FAM193A: variants seen among roughly 807,000 people sequenced by gnomAD.
The protein encoded by FAM193A is family with sequence similarity 193 member A, also known as protein FAM193A.
Under a neutral mutation model 126.5 loss-of-function variants are expected in FAM193A, and 22 were observed. The ratio of observed to expected loss-of-function variants is 0.17; its 90% CI spans 0.12 to 0.25. The LOEUF (loss-of-function observed/expected upper bound fraction) is 0.25. Ranked by LOEUF, FAM193A falls within the 10% of genes least tolerant of loss-of-function variation. The pLI is 1.00. For missense variants in FAM193A, 1,675 were observed against 1,672.8 expected, an observed-to-expected ratio of 1.00 and a Z score of -0.02; for synonymous variants, 761 against 646.8, an observed-to-expected ratio of 1.18 and a Z score of -2.68.
At chr4:2,538,510 A>G (rs1272405110) in intron 1 of FAM193A, among the ~76,000 whole-genome samples, 1 of 151,782 alleles carries the variant, frequency 6.6e-6, no homozygotes, top group Non-Finnish European at 1.5e-5. Flanking sequence ...TTATTATTAT[A>G]TTGTTACATT....
intron 1 of FAM193A, among the ~76,000 whole-genome samples, chr4:2,547,648 T>G (rs932455918): frequency 6.8e-6 from 1 of 146,826 alleles, no homozygotes; most frequent in Non-Finnish European, 1.5e-5. Flanking sequence ...TTTTTGGAAG[T>G]GGAGTCTCAC....
Position 2,549,638 on chromosome 4 carries a change from C to T in FAM193A, c.255+12468C>T, listed in dbSNP as rs1312563512. Among the ~76,000 whole-genome samples the T allele has an allele frequency of 2.0e-5, 3 of 148,930 alleles. No homozygotes were observed. In the East Asian group the frequency reaches 6.1e-4, roughly 31 times the overall value. On this transcript the variant is annotated intron_variant, in intron 1 of 20. Coordinates refer to ENST00000637812, the MANE Select transcript of FAM193A (RefSeq NM_001366318.2). Reference sequence around the variant, plus strand: ...GTCTCGATCTCCTGACCTCGTGATCCGCCCGCCTCAGCCTCCCAAAGTGCT... The same window carrying T: ...GTCTCGATCTCCTGACCTCGTGATCTGCCCGCCTCAGCCTCCCAAAGTGCT...
intron 1 of FAM193A, among the ~76,000 whole-genome samples, chr4:2,549,236 G>C (rs988613274): frequency 6.6e-5 from 10 of 151,172 alleles, no homozygotes; most frequent in Non-Finnish European, 7.4e-5. Flanking sequence ...CTGCACCCAG[G>C]CTGTAAACCG....
chr4:2,674,320 ATAATGCG>A (rs1454451490), intron 13 of FAM193A, among the ~76,000 whole-genome samples: 1 of 152,260 alleles, frequency 6.6e-6, no homozygotes, highest in Admixed American at 6.5e-5. Flanking sequence ...GCCTAAATGC[ATAATGCG>A]TTAGCAGCCC....
At chr4:2,538,686 C>CG (rs1183181389) in intron 1 of FAM193A, among the ~76,000 whole-genome samples, 1,007 of 41,956 alleles carry the variant, frequency 0.024, 4 homozygotes, top group African/African-American at 0.031. Flanking sequence ...TAGGGGAGGG[C>CG]GGGGGGGGTT....
chr4:2,543,322 C>T (rs1055419866), intron 1 of FAM193A, among the ~76,000 whole-genome samples: 5 of 152,040 alleles, frequency 3.3e-5, no homozygotes, highest in Admixed American at 2.0e-4. Flanking sequence ...CTCCTGACCT[C>T]GTGATGTACC....
intron 1 of FAM193A, among the ~76,000 whole-genome samples, chr4:2,560,232 C>T (rs1447128087): frequency 2.6e-5 from 4 of 152,120 alleles, no homozygotes; most frequent in East Asian, 3.9e-4. Context: ...TGTGAGCCAC[C>T]GCGCCTGGCC....
chr4:2,732,125 C>A lies in FAM193A; in HGVS notation c.*257C>A. On this transcript the variant is annotated 3_prime_UTR_variant, in exon 21 of 21. Transcript: ENST00000637812. ...AACAGTAGTTCCCGCCAAGTCCTCC[C>A]ACCACCGCGGCCTCGGAGGCCTGGG... is the stretch of plus-strand genomic sequence containing the variant. 2.0e-6 allele frequency: 1 copy of A among 512,168 alleles called. No individual in the cohort carries two copies. The highest frequency in any genetic ancestry group is 3.6e-6 in the Non-Finnish European group (1 of 281,618). The allele number at this position is 512,168 out of a possible 1,614,324, so 31.7% of individuals were successfully genotyped here.
intron 1 of FAM193A, among the ~76,000 whole-genome samples, chr4:2,570,949 A>G (rs537148578): frequency 2.0e-5 from 3 of 151,932 alleles, no homozygotes; most frequent in African/African-American, 2.4e-5. Context: ...TTCCTCCCCT[A>G]CCTCTGCCTG....
chr4:2,573,349 T>C (rs1232916252), intron 1 of FAM193A, among the ~76,000 whole-genome samples: 1 of 151,974 alleles, frequency 6.6e-6, no homozygotes, highest in African/African-American at 2.4e-5. Flanking sequence ...CCGTCTCTAC[T>C]AAAAATGCAA....
At chr4:2,568,031 C>G (rs1023545223) in intron 1 of FAM193A, among the ~76,000 whole-genome samples, 8 of 152,198 alleles carry the variant, frequency 5.3e-5, no homozygotes, top group African/African-American at 1.9e-4. Flanking sequence ...ATTTCCCACC[C>G]CTTCCTCCTG....
intron 2 of FAM193A, among the ~76,000 whole-genome samples, chr4:2,602,331 CT>C (rs1741246981): frequency 6.7e-6 from 1 of 149,556 alleles, no homozygotes; most frequent in South Asian, 2.1e-4. Flanking sequence ...ATGCTTGAAT[CT>C]TCCTCTAGAG....
intron 5 of FAM193A, among the ~76,000 whole-genome samples, chr4:2,635,023 CT>C (rs1471104255): frequency 6.6e-6 from 1 of 152,168 alleles, no homozygotes; most frequent in Non-Finnish European, 1.5e-5. Context: ...AGACAATGTG[CT>C]TTTTGTCTTA....
intron 19 of FAM193A, among the ~76,000 whole-genome samples, chr4:2,710,914 T>G (rs1031285551): frequency 6.7e-6 from 1 of 149,660 alleles, no homozygotes; most frequent in Admixed American, 6.7e-5. Context: ...TGCAGTGGTG[T>G]GATCTTGGCT....
At position 2,676,455 on chromosome 4, in the gene FAM193A, C is replaced by T. The variant is rs375839563; in HGVS notation, c.2331+4083C>T. The stretch of plus-strand genomic sequence containing the variant: ...ATCTTTTCATTGTTCATTGACTATT[C>T]GTATATCTTCTTTGGAGAAACATCT... On this transcript the variant is annotated intron_variant, in intron 13 of 20. Transcript: ENST00000637812. Among the ~76,000 whole-genome samples the T allele has an allele frequency of 3.3e-5, 5 of 152,120 alleles. No homozygotes were observed. The East Asian group carries it at 9.6e-4, about 29-fold the overall frequency.
intron 19 of FAM193A, among the ~76,000 whole-genome samples, chr4:2,708,977 A>G (rs1718622650): frequency 6.6e-6 from 1 of 152,158 alleles, no homozygotes; most frequent in South Asian, 2.1e-4. Context: ...TTTCCACATT[A>G]AGTAAGATGT....
chr4:2,619,612 G>A (rs576249695), intron 2 of FAM193A, among the ~76,000 whole-genome samples: 19 of 151,922 alleles, frequency 1.3e-4, no homozygotes, highest in African/African-American at 3.1e-4. Flanking sequence ...AGGTGGTCCC[G>A]CCCGCCTCTG....
chr4:2,682,576 T>C (rs564943555), intron 13 of FAM193A, among the ~76,000 whole-genome samples: 35 of 152,378 alleles, frequency 2.3e-4, no homozygotes, highest in African/African-American at 7.9e-4. Context: ...TGTAATTGTT[T>C]CCTATTCATT....
rs1418100846 is a variant in FAM193A at position 2,659,686 on chromosome 4, G to T, written c.1502+16G>T. On this transcript the variant is annotated intron_variant, in intron 9 of 20. Transcript: ENST00000637812. ...ACAGGAGAAGGTAAGGCTGGGTTGT[G>T]GTGTCAGCACGACTGGCCCATTGGA... is the stretch of plus-strand genomic sequence containing the variant. 1 of 1,612,612 alleles carries T rather than the reference G, an allele frequency of 6.2e-7. No homozygotes were observed. Among genetic ancestry groups the T allele is most frequent in the African/African-American group, 1.3e-5 (1 of 74,892 alleles).
Sources: gnomAD v4.1 joint callset for allele counts (sites outside exome capture counted in the v4.1 genomes callset) on GRCh38, gnomAD v4.1.1 for gene constraint, MANE v1.5 for transcripts, NCBI Gene and HGNC (gene_info 2026-07-23, HGNC 2026-07-21) for gene names.